The following CDYL2 variants were observed in gnomAD, a reference collection of about 807,000 sequenced individuals.
The protein encoded by CDYL2 is chromodomain Y like 2.
CDYL2 carries 23 observed loss-of-function variants against 49.4 expected under a neutral mutation model. The ratio of observed to expected loss-of-function variants is 0.47; its 90% CI spans 0.34 to 0.66. The LOEUF (loss-of-function observed/expected upper bound fraction) is 0.66, where lower values mean the gene tolerates loss of function less well. CDYL2 is among the 30% of genes least tolerant of loss of function. The probability of loss-of-function intolerance (pLI) is 0.01; values close to 1 mark genes in which losing one functional copy is unlikely to be tolerated. For synonymous variants in CDYL2, 360 were observed against 268.8 expected, an observed-to-expected ratio of 1.34 and a Z score of -3.32; for missense variants, 678 against 656.4, an observed-to-expected ratio of 1.03 and a Z score of -0.36.
intron 4 of CDYL2, among the ~76,000 whole-genome samples, chr16:80,615,946 C>A (rs1906808212): frequency 1.3e-5 from 2 of 152,186 alleles, no homozygotes; most frequent in Non-Finnish European, 2.9e-5. Context: ...GGCCCTGCAG[C>A]TCCGATATCT....
chr16:80,692,081 C>G (rs993475970), intron 1 of CDYL2, among the ~76,000 whole-genome samples: 1 of 152,118 alleles, frequency 6.6e-6, no homozygotes, highest in Non-Finnish European at 1.5e-5. Context: ...GAGATCCACC[C>G]AGTCTAAGTC....
intron 1 of CDYL2, among the ~76,000 whole-genome samples, chr16:80,744,970 G>C (rs1238109391): frequency 6.6e-6 from 1 of 152,078 alleles, no homozygotes; most frequent in African/African-American, 2.4e-5. Context: ...GAAACCTAAG[G>C]GTCTCTCTGA....
At position 80,633,175 on chromosome 16, in the gene CDYL2, C is replaced by T. The variant is rs531982053; in HGVS notation, c.678G>A (p.Ala226=). ...TTTTGTCAAAGACGTAGTCCTTCTC[C>T]GCTTCCAGCTTCCTCTTCACTGGAC... ...LHSPVKRKLE[A]EKDYVFDKRL... The change falls in exon 3 of 7, where the codon GCG becomes GCA. Residue 226 remains alanine (A), a synonymous_variant. Transcript: ENST00000570137. The T allele has an allele frequency of 9.3e-6, 15 of 1,614,212 alleles. No homozygotes were observed. The highest frequency in any genetic ancestry group is 6.7e-5 in the Admixed American group (4 of 60,028).
At chr16:80,649,180 G>C (rs1419614601) in intron 2 of CDYL2, among the ~76,000 whole-genome samples, 1 of 152,034 alleles carries the variant, frequency 6.6e-6, no homozygotes, top group Non-Finnish European at 1.5e-5. Context: ...CTTCCAAAGT[G>C]GAAAGAAAGA....
chr16:80,790,774 C>A (rs1034389664), intron 1 of CDYL2, among the ~76,000 whole-genome samples: 4 of 152,172 alleles, frequency 2.6e-5, no homozygotes, highest in African/African-American at 9.7e-5. Context: ...CTCAGCTCCA[C>A]TCTTGATCAC....
At chr16:80,794,938 T>C (rs1417329719) in intron 1 of CDYL2, among the ~76,000 whole-genome samples, 2 of 152,188 alleles carry the variant, frequency 1.3e-5, no homozygotes, top group Non-Finnish European at 2.9e-5. Flanking sequence ...AAGGCATTCA[T>C]GGCTGTAGCC....
chr16:80,791,168 G>A lies in CDYL2; in HGVS notation c.24+12982C>T, dbSNP rs113710098. ...TGATAACACAAAGATGGATGCTTTC[G>A]GTGAGTTTGGCTTATAGGAAAACAA... is the stretch of plus-strand genomic sequence containing the variant. On this transcript the variant is annotated intron_variant, in intron 1 of 6. Transcript: ENST00000570137. Among the ~76,000 whole-genome samples the A allele has an allele frequency of 1.2e-3, 183 of 152,180 alleles. 1 individual carries two copies. The highest frequency in any genetic ancestry group is 3.7e-3 in the African/African-American group (152 of 41,506).
intron 2 of CDYL2, among the ~76,000 whole-genome samples, chr16:80,659,441 C>A (rs1425702080): frequency 6.6e-6 from 1 of 151,918 alleles, no homozygotes; most frequent in Admixed American, 6.6e-5. Flanking sequence ...TGCATCAACG[C>A]AAAATTTCTT....
chr16:80,803,557 G>A (rs970050506), intron 1 of CDYL2, among the ~76,000 whole-genome samples: 3 of 151,442 alleles, frequency 2.0e-5, no homozygotes, highest in Non-Finnish European at 3.0e-5. Context: ...CGGGGACCCC[G>A]GGGAGCGGTT....
chr16:80,766,327 A>C (rs1906724025), intron 1 of CDYL2, among the ~76,000 whole-genome samples: 1 of 152,228 alleles, frequency 6.6e-6, no homozygotes, highest in Non-Finnish European at 1.5e-5. Flanking sequence ...TCAAATGGCC[A>C]ATAAAACCTA....
Position 80,804,220 on chromosome 16 carries a change from G to C in CDYL2, c.-47C>G, listed in dbSNP as rs1908026889. On this transcript the variant is annotated 5_prime_UTR_variant, in exon 1 of 7. Transcript: ENST00000570137. The stretch of plus-strand genomic sequence containing the variant: ...CGCCGGTGTGCGCGTCTGCTCGCTC[G>C]CGCCCTCCGTGCGTGTGCGCGCGGG... 7.5e-7 allele frequency: 1 copy of C among 1,336,840 alleles called. No individual in the cohort carries two copies. Among genetic ancestry groups the C allele is most frequent in the Admixed American group, 2.6e-5 (1 of 38,072 alleles). The allele number at this position is 1,336,840 out of a possible 1,614,324, so 82.8% of individuals were successfully genotyped here.
intron 2 of CDYL2, among the ~76,000 whole-genome samples, chr16:80,652,253 G>C (rs78784106): frequency 9.5e-4 from 145 of 152,240 alleles, no homozygotes; most frequent in African/African-American, 3.3e-3. Flanking sequence ...ACAGAAGGAA[G>C]TGCTCAAACA....
chr16:80,677,726 G>A (rs558679484), intron 2 of CDYL2, among the ~76,000 whole-genome samples: 29 of 151,034 alleles, frequency 1.9e-4, no homozygotes, highest in African/African-American at 5.1e-4. Flanking sequence ...GCGACAGAGC[G>A]AGACTCCATC....
intron 2 of CDYL2, among the ~76,000 whole-genome samples, chr16:80,642,061 T>C (rs1238150035): frequency 6.6e-6 from 1 of 152,130 alleles, no homozygotes; most frequent in Non-Finnish European, 1.5e-5. Context: ...TCAAAAATAA[T>C]AACTACAACA....
chr16:80,752,097 T>C (rs1906157327), intron 1 of CDYL2, among the ~76,000 whole-genome samples: 1 of 150,720 alleles, frequency 6.6e-6, no homozygotes, highest in South Asian at 2.1e-4. Flanking sequence ...ATGTGGACAA[T>C]TTTAGCAAAG....
rs139901867 is a variant in CDYL2, at chr16:80,648,881, T to A, written c.617-15645A>T. Among the ~76,000 whole-genome samples, 83 of 152,264 alleles carry A rather than the reference T, an allele frequency of 5.5e-4. No individual in the cohort carries two copies. In the East Asian group the frequency reaches 0.012, roughly 22 times the overall value. On this transcript the variant is annotated intron_variant, in intron 2 of 6. Coordinates refer to ENST00000570137, the MANE Select transcript of CDYL2 (RefSeq NM_152342.4). ...AATGCAATACATCATATCAACAGAA[T>A]GATGGACAAAAACCATATGATTATT...
chr16:80,726,341 G>A (rs369999547), intron 1 of CDYL2, among the ~76,000 whole-genome samples: 1 of 152,138 alleles, frequency 6.6e-6, no homozygotes, highest in Non-Finnish European at 1.5e-5. Flanking sequence ...CAAAGACACT[G>A]ATTTTGGCAC....
At chr16:80,724,379 T>C (rs1905099633) in intron 1 of CDYL2, among the ~76,000 whole-genome samples, 1 of 152,104 alleles carries the variant, frequency 6.6e-6, no homozygotes, top group African/African-American at 2.4e-5. Context: ...ATTATTTCTG[T>C]CTTAGCATTG....
At chr16:80,740,989 T>C (rs1905713734) in intron 1 of CDYL2, among the ~76,000 whole-genome samples, 1 of 150,722 alleles carries the variant, frequency 6.6e-6, no homozygotes, top group South Asian at 2.1e-4. Flanking sequence ...GACAAGTTTA[T>C]TTTAAGTAAA....
Sources: gnomAD v4.1 joint callset for allele counts (sites outside exome capture counted in the v4.1 genomes callset) on GRCh38, gnomAD v4.1.1 for gene constraint, MANE v1.5 for transcripts, NCBI Gene and HGNC (gene_info 2026-07-23, HGNC 2026-07-21) for gene names.